Variants in ATP8A2 observed in about 807,000 individuals in gnomAD.
The protein encoded by ATP8A2 is ATPase phospholipid transporting 8A2, also known as phospholipid-transporting ATPase IB.
In ATP8A2, 100 loss-of-function variants were observed where a neutral mutation model predicts 165.6. That is an observed-to-expected ratio of 0.60 (90% confidence interval 0.51 to 0.71). ATP8A2 has a LOEUF of 0.71. Ranked by LOEUF, ATP8A2 falls within the 30% of genes least tolerant of loss-of-function variation. ATP8A2 has a pLI of 0.00. For synonymous variants in ATP8A2, 543 were observed against 548.8 expected, an observed-to-expected ratio of 0.99 and a Z score of 0.15; for missense variants, 1,227 against 1,479.5, an observed-to-expected ratio of 0.83 and a Z score of 2.80.
chr13:25,560,335 C>A (rs2039105085), intron 15 of ATP8A2, among the ~76,000 whole-genome samples: 2 of 152,098 alleles, frequency 1.3e-5, no homozygotes. Context: ...AGGCAGCCAA[C>A]CTCAGTGCTT....
chr13:25,780,357 G>A (rs962630118), intron 27 of ATP8A2, among the ~76,000 whole-genome samples: 1 of 152,024 alleles, frequency 6.6e-6, no homozygotes, highest in Non-Finnish European at 1.5e-5. Context: ...CTTATTTTTG[G>A]CAACACATAC....
chr13:25,748,840 A>C (rs2044093795), intron 25 of ATP8A2, among the ~76,000 whole-genome samples: 1 of 152,112 alleles, frequency 6.6e-6, no homozygotes, highest in Non-Finnish European at 1.5e-5. Context: ...GGGTTATAGC[A>C]TTTTCAAAAT....
chr13:25,892,228 C>T (rs1953387098), intron 33 of ATP8A2, among the ~76,000 whole-genome samples: 1 of 152,048 alleles, frequency 6.6e-6, no homozygotes, highest in South Asian at 2.1e-4. Flanking sequence ...CCACCCGCCT[C>T]AGCCTCCAAA....
At chr13:25,794,011 C>T (rs951235189) in intron 27 of ATP8A2, among the ~76,000 whole-genome samples, 3 of 152,248 alleles carry the variant, frequency 2.0e-5, no homozygotes, top group Non-Finnish European at 4.4e-5. Context: ...AGGAGGTAAT[C>T]GTCATCAATA....
At chr13:25,524,686 C>T (rs2037778364) in intron 2 of ATP8A2, among the ~76,000 whole-genome samples, 1 of 151,882 alleles carries the variant, frequency 6.6e-6, no homozygotes, top group Admixed American at 6.6e-5. Context: ...ATATCTTTTT[C>T]CATCTCTTTC....
At chr13:25,649,661 G>A (rs571854143) in intron 24 of ATP8A2, among the ~76,000 whole-genome samples, 58 of 152,116 alleles carry the variant, frequency 3.8e-4, no homozygotes, top group Non-Finnish European at 6.8e-4. Flanking sequence ...CACACCAGGT[G>A]TTGTTAGACT....
intron 33 of ATP8A2, among the ~76,000 whole-genome samples, chr13:25,899,629 A>G (rs1953673955): frequency 6.6e-6 from 1 of 152,122 alleles, no homozygotes; most frequent in African/African-American, 2.4e-5. Context: ...AGCTGAGCGG[A>G]GGACACAGAG....
chr13:26,002,845 C>T (rs1277037396), intron 35 of ATP8A2, among the ~76,000 whole-genome samples: 1 of 106,934 alleles, frequency 9.4e-6, no homozygotes, highest in African/African-American at 3.5e-5. Context: ...GAATAGTATT[C>T]CACTGTGTGT....
intron 27 of ATP8A2, among the ~76,000 whole-genome samples, chr13:25,796,058 T>C (rs1441163236): frequency 6.6e-6 from 1 of 152,022 alleles, no homozygotes; most frequent in African/African-American, 2.4e-5. Flanking sequence ...CAAGCAATTC[T>C]CCTGCCTCTG....
rs1399063637 is a variant in ATP8A2, at chr13:25,571,579, T to C, written c.1580-31T>C. On this transcript the variant is annotated intron_variant, in intron 17 of 36. Transcript: ENST00000381655. ...CAGAATTCTGTCACTACCAGTGATA[T>C]GTCAATGTTTCACCAACTCCCACTT... The C allele has an allele frequency of 3.2e-6, 5 of 1,546,526 alleles. No homozygotes were observed. In the South Asian group the frequency reaches 3.4e-5, roughly 10 times the overall value.
At chr13:25,856,517 T>C (rs1952170618) in intron 30 of ATP8A2, among the ~76,000 whole-genome samples, 1 of 152,358 alleles carries the variant, frequency 6.6e-6, no homozygotes, top group Admixed American at 6.5e-5. Context: ...AAATTGCACT[T>C]GCACCCCTTA....
chr13:25,769,095 G>A lies in ATP8A2; in HGVS notation c.2434G>A (p.Val812Met), dbSNP rs2044559624. ...GATAGTGGATGTGGTGAAGAAGCGG[G>A]TGAAGGCCATCACCCTCGCCATCGG... ...SEIVDVVKKR[V>M]KAITLAIGDG... Residue 812 changes from valine (V) to methionine (M), a missense_variant, in exon 26 of 37, where the codon GTG (valine) becomes ATG (methionine). Around this residue, in one of 5 missense-constraint regions of ATP8A2, gnomAD observed 592 missense variants for 785.6 expected, o/e 0.75. Coordinates refer to ENST00000381655, the MANE Select transcript of ATP8A2 (RefSeq NM_016529.6). 1.2e-6 allele frequency: 2 copies of A among 1,614,200 alleles called. No homozygotes were observed. The highest frequency in any genetic ancestry group is 2.2e-5 in the East Asian group (1 of 44,878).
chr13:26,025,116 CAAAAAAAAAAA>C lies in ATP8A2; in HGVS notation c.*5142_*5152del, dbSNP rs71080217. ...GTGAATCAATAAACACCAACAACAA[CAAAAAAAAAAA>C]AAAAAAAAAAGGAAGAAAAGAAAAA... On this transcript the variant is annotated 3_prime_UTR_variant, in exon 37 of 37. Coordinates refer to ENST00000381655, the MANE Select transcript of ATP8A2 (RefSeq NM_016529.6). 16 of 94,784 alleles carry C rather than the reference CAAAAAAAAAAA, an allele frequency of 1.7e-4. No homozygotes were observed. Among genetic ancestry groups the C allele is most frequent in the East Asian group, 3.4e-4 (1 of 2,984 alleles). The allele number at this position is 94,784 out of a possible 1,614,324, so 5.9% of individuals were successfully genotyped here.
At chr13:25,730,305 A>G (rs1314607603) in intron 25 of ATP8A2, among the ~76,000 whole-genome samples, 1 of 152,134 alleles carries the variant, frequency 6.6e-6, no homozygotes, top group Non-Finnish European at 1.5e-5. Flanking sequence ...AACAACAACA[A>G]CAAAATTATT....
intron 33 of ATP8A2, among the ~76,000 whole-genome samples, chr13:25,892,470 G>GTCTCTCTGTCTC (rs1953395889): frequency 8.7e-6 from 1 of 115,066 alleles, no homozygotes; most frequent in African/African-American, 5.1e-5. Flanking sequence ...CTCTCTCTCT[G>GTCTCTCTGTCTC]TCTCTCTGTC....
chr13:25,525,850 T>C (rs900211489), intron 2 of ATP8A2, among the ~76,000 whole-genome samples: 2 of 152,194 alleles, frequency 1.3e-5, no homozygotes, highest in Non-Finnish European at 2.9e-5. Flanking sequence ...TATCTCTTTC[T>C]CAAGTTTTGG....
Position 25,574,825 on chromosome 13 carries a change from A to G in ATP8A2, c.1680A>G (p.Thr560=), listed in dbSNP as rs776470227. ...TCCTTTAGATGGGACAGGAACAAAC[A>G]TTCGGAATCCTTAATGTCCTGGAAT... ...VIIEAMGQEQ[T]FGILNVLEFS... The change falls in exon 19 of 37, where the codon ACA becomes ACG. Residue 560 remains threonine, a synonymous_variant. Coordinates refer to ENST00000381655, the MANE Select transcript of ATP8A2 (RefSeq NM_016529.6). 2 of 1,567,400 alleles carry G rather than the reference A, an allele frequency of 1.3e-6. No homozygotes were observed. Among genetic ancestry groups the G allele is most frequent in the Admixed American group, 1.7e-5 (1 of 59,352 alleles).
intron 24 of ATP8A2, among the ~76,000 whole-genome samples, chr13:25,624,984 T>C (rs1165847891): frequency 6.6e-6 from 1 of 152,232 alleles, no homozygotes; most frequent in African/African-American, 2.4e-5. Context: ...GTCTTATTTT[T>C]CCTTAATGGT....
At chr13:25,612,954 C>G (rs528228762) in intron 24 of ATP8A2, among the ~76,000 whole-genome samples, 4 of 152,278 alleles carry the variant, frequency 2.6e-5, no homozygotes, top group African/African-American at 9.6e-5. Flanking sequence ...AGAATAGCTA[C>G]TTCTGCATGC....
Sources: allele counts gnomAD v4.1 joint callset (sites outside exome capture counted in the v4.1 genomes callset), GRCh38; gene constraint gnomAD v4.1.1; regional missense constraint gnomAD v4.1.1; transcripts MANE v1.5; gene names NCBI Gene and HGNC (gene_info 2026-07-23, HGNC 2026-07-21).